CTNNA3: variants seen among roughly 807,000 people sequenced by gnomAD.
CTNNA3 encodes the protein catenin alpha-3.
In CTNNA3, 76 loss-of-function variants were observed where a neutral mutation model predicts 95.7. That is an observed-to-expected ratio of 0.79 (90% CI 0.66 to 0.96). The LOEUF is 0.96. Among genes scored for constraint, CTNNA3 ranks in the 40% least tolerant of loss-of-function variants. CTNNA3 has a pLI of 0.00. For missense variants in CTNNA3, 1,191 were observed against 1,089.8 expected (o/e 1.09, Z -1.31); for synonymous variants, 431 against 374.4 (o/e 1.15, Z -1.74).
At chr10:66,003,640 C>G (rs767193074) in intron 15 of CTNNA3, among the ~76,000 whole-genome samples, 3 of 152,118 alleles carry the variant, frequency 2.0e-5, no homozygotes, top group Non-Finnish European at 4.4e-5. Context: ...AAATAGAGAT[C>G]AGTAAACCAA....
chr10:66,978,552 A>AATATATATATATATATATATATATATAT (rs1554890349), intron 7 of CTNNA3, among the ~76,000 whole-genome samples: 1 of 37,882 alleles, frequency 2.6e-5, no homozygotes, highest in East Asian at 1.8e-3. Context: ...AAAAAAAAAA[A>AATATATATATATATATATATATATATAT]ATATATATAT....
At chr10:66,770,568 C>T (rs1840048109) in intron 8 of CTNNA3, among the ~76,000 whole-genome samples, 1 of 152,096 alleles carries the variant, frequency 6.6e-6, no homozygotes, top group Admixed American at 6.5e-5. Flanking sequence ...TAATAAAAGG[C>T]TTTGAGACAT....
chr10:67,078,798 G>T (rs1407115592), intron 7 of CTNNA3, among the ~76,000 whole-genome samples: 9 of 152,252 alleles, frequency 5.9e-5, no homozygotes, highest in Middle Eastern at 3.4e-3. Context: ...TTACAGATGT[G>T]AGCCACCGCA....
chr10:67,725,891 T>A (rs1418804672), intron 1 of CTNNA3, among the ~76,000 whole-genome samples: 1 of 141,564 alleles, frequency 7.1e-6, no homozygotes, highest in African/African-American at 2.6e-5. Context: ...ATGTCATATA[T>A]ATAATATATA....
rs559774039 is a variant in CTNNA3 at position 66,954,498 on chromosome 10, G to A, written c.1048-178974C>T. Reference sequence around the variant, plus strand: ...GTTGTGCACTACACGGTCCCGCAATGGATTACAATATTAATGCTGACCTCT... The same window carrying A: ...GTTGTGCACTACACGGTCCCGCAATAGATTACAATATTAATGCTGACCTCT... On this transcript the variant is annotated intron_variant, in intron 7 of 17. Coordinates refer to ENST00000433211, the MANE Select transcript of CTNNA3 (RefSeq NM_013266.4). Among the ~76,000 whole-genome samples the A allele has an allele frequency of 1.9e-3, 294 of 152,198 alleles. 2 individuals carry two copies. The highest frequency in any genetic ancestry group is 3.3e-3 in the Non-Finnish European group (227 of 67,988).
intron 7 of CTNNA3, among the ~76,000 whole-genome samples, chr10:66,820,028 A>G (rs541856011): frequency 1.4e-4 from 22 of 152,148 alleles, no homozygotes; most frequent in African/African-American, 4.6e-4. Flanking sequence ...AAACTTGTAC[A>G]TAAATGTTCA....
At position 67,628,770 on chromosome 10, in the gene CTNNA3, CA is replaced by C. The variant is rs35942406; in HGVS notation, c.99+18644del. On this transcript the variant is annotated intron_variant, in intron 2 of 17. Coordinates refer to ENST00000433211, the MANE Select transcript of CTNNA3 (RefSeq NM_013266.4). ...TGTTATGTTGAATTGTTGTAGGCCA[CA>C]AAAAAAAGACCAAATATCTTTGTCA... Among the ~76,000 whole-genome samples, 3 of 151,058 alleles carry C rather than the reference CA, an allele frequency of 2.0e-5. No homozygotes were observed. In the East Asian group the frequency reaches 5.8e-4, roughly 29 times the overall value.
At chr10:67,639,832 AATTACGT>A (rs1839462493) in intron 2 of CTNNA3, among the ~76,000 whole-genome samples, 1 of 152,174 alleles carries the variant, frequency 6.6e-6, no homozygotes, top group Non-Finnish European at 1.5e-5. Context: ...ACTCTCAATA[AATTACGT>A]ATTGATGGGA....
intron 12 of CTNNA3, among the ~76,000 whole-genome samples, chr10:66,298,587 C>A (rs1018236993): frequency 4.6e-5 from 7 of 152,140 alleles, no homozygotes; most frequent in Non-Finnish European, 8.8e-5. Context: ...CCTGAATTTT[C>A]TCTCAGGAAA....
At chr10:67,444,142 A>ACAT (rs1846650054) in intron 5 of CTNNA3, among the ~76,000 whole-genome samples, 1 of 152,202 alleles carries the variant, frequency 6.6e-6, no homozygotes, top group Non-Finnish European at 1.5e-5. Flanking sequence ...ATCATATGTT[A>ACAT]GGTCCCAAAA....
intron 10 of CTNNA3, among the ~76,000 whole-genome samples, chr10:66,598,229 C>A (rs1843792454): frequency 6.6e-6 from 1 of 151,978 alleles, no homozygotes; most frequent in African/African-American, 2.4e-5. Context: ...GATAAAAACT[C>A]TCGACAAACT....
At chr10:67,294,766 T>C (rs571779800) in intron 5 of CTNNA3, among the ~76,000 whole-genome samples, 6 of 152,152 alleles carry the variant, frequency 3.9e-5, no homozygotes, top group Non-Finnish European at 8.8e-5. Flanking sequence ...GCTGTTAATA[T>C]CCTTTACCAA....
At chr10:66,368,189 T>G (rs1308732084) in intron 12 of CTNNA3, among the ~76,000 whole-genome samples, 1 of 151,990 alleles carries the variant, frequency 6.6e-6, no homozygotes, top group Non-Finnish European at 1.5e-5. Flanking sequence ...CCACATAATT[T>G]GGATGAATAT....
At chr10:66,324,662 G>A (rs2092231882) in intron 12 of CTNNA3, among the ~76,000 whole-genome samples, 1 of 152,126 alleles carries the variant, frequency 6.6e-6, no homozygotes, top group Non-Finnish European at 1.5e-5. Flanking sequence ...CTGAACAAGT[G>A]AGCCACAAAC....
chr10:65,951,837 G>A (rs1670143), intron 17 of CTNNA3, among the ~76,000 whole-genome samples: 19,660 of 152,030 alleles, frequency 0.13, 1,579 homozygotes, highest in South Asian at 0.26. Context: ...AGACCATCCT[G>A]GCTAACACGG....
At chr10:67,447,022 G>A (rs576592345) in intron 5 of CTNNA3, among the ~76,000 whole-genome samples, 13 of 152,274 alleles carry the variant, frequency 8.5e-5, no homozygotes, top group Admixed American at 5.9e-4. Context: ...GGAGAATGGC[G>A]TGAACCCAGG....
chr10:67,065,727 C>T (rs1187721018), intron 7 of CTNNA3, among the ~76,000 whole-genome samples: 1 of 152,084 alleles, frequency 6.6e-6, no homozygotes, highest in Non-Finnish European at 1.5e-5. Flanking sequence ...AACTAAGCCA[C>T]ACGATAAAGG....
At chr10:67,362,958 C>G (rs572799890) in intron 5 of CTNNA3, among the ~76,000 whole-genome samples, 28 of 151,972 alleles carry the variant, frequency 1.8e-4, no homozygotes, top group African/African-American at 5.5e-4. Flanking sequence ...TTCTATACAC[C>G]AATAACACTC....
intron 12 of CTNNA3, among the ~76,000 whole-genome samples, chr10:66,300,842 T>A (rs2091851083): frequency 6.6e-6 from 1 of 151,408 alleles, no homozygotes; most frequent in African/African-American, 2.4e-5. Context: ...CAAAAATCAA[T>A]GAATTTGGAA....
Sources: gnomAD v4.1 joint callset for allele counts (sites outside exome capture counted in the v4.1 genomes callset) on GRCh38, gnomAD v4.1.1 for gene constraint, MANE v1.5 for transcripts, NCBI Gene and HGNC (gene_info 2026-07-23, HGNC 2026-07-21) for gene names.